The following AFF2 variants were observed in gnomAD, a reference collection of about 807,000 sequenced individuals.
The protein encoded by AFF2 is AF4/FMR2 family member 2.
Under a neutral mutation model 76.9 loss-of-function variants are expected in AFF2, and 14 were observed. That is an observed-to-expected ratio of 0.18 (90% confidence interval 0.12 to 0.28). AFF2 has a LOEUF of 0.28. Among genes scored for constraint, AFF2 ranks in the 10% least tolerant of loss-of-function variants. The pLI is 1.00. For synonymous variants in AFF2, 398 were observed against 366.7 expected, an observed-to-expected ratio of 1.09 and a Z score of -0.98; for missense variants, 868 against 1,001.1, an observed-to-expected ratio of 0.87 and a Z score of 1.79.
chrX:148,921,089 T>C (rs1557283148), intron 9 of AFF2, among the ~76,000 whole-genome samples: 2 of 111,413 alleles, frequency 1.8e-5, no homozygotes, highest in Admixed American at 1.9e-4. Context: ...TGCAAGCAGG[T>C]AAATTGAGCT....
chrX:148,792,312 G>T (rs1215139515), intron 3 of AFF2, among the ~76,000 whole-genome samples: 1 of 112,368 alleles, frequency 8.9e-6, no homozygotes, highest in African/African-American at 3.2e-5. Context: ...AATTAGCCGG[G>T]CATGGTGGCA....
chrX:148,609,502 G>A (rs2053705851), intron 1 of AFF2, among the ~76,000 whole-genome samples: 1 of 111,823 alleles, frequency 8.9e-6, no homozygotes, highest in African/African-American at 3.3e-5. Flanking sequence ...TGTGTGTAGT[G>A]ACTGGCTGAA....
At chrX:148,701,753 A>G (rs1169959728) in intron 3 of AFF2, among the ~76,000 whole-genome samples, 3 of 111,880 alleles carry the variant, frequency 2.7e-5, no homozygotes, top group African/African-American at 9.7e-5. Flanking sequence ...CTTGGCACTT[A>G]AATTGATTTT....
intron 1 of AFF2, among the ~76,000 whole-genome samples, chrX:148,626,576 A>G (rs2053929760): frequency 9.0e-6 from 1 of 111,039 alleles, no homozygotes; most frequent in Non-Finnish European, 1.9e-5. Flanking sequence ...TCTGGAGGCC[A>G]AAAGTCTAAA....
rs147756040 is a variant in AFF2 at position 148,616,469 on chromosome X, G to A, written c.48-35530G>A. On this transcript the variant is annotated intron_variant, in intron 1 of 20. Coordinates refer to ENST00000370460, the MANE Select transcript of AFF2 (RefSeq NM_002025.4). The stretch of plus-strand genomic sequence containing the variant: ...AGTGTCCCTTGTGTTATAATTTAGC[G>A]TACTTTGAGGTGATGTTGACATCTT... Among the ~76,000 whole-genome samples, 103 of 111,451 alleles carry A rather than the reference G, an allele frequency of 9.2e-4. 2 individuals are homozygous for A. In the East Asian group the frequency reaches 0.024, roughly 25 times the overall value.
In AFF2 at chrX:148,750,135, T is replaced by A. The variant is rs1250716736; in HGVS notation, c.1042-59741T>A. On this transcript the variant is annotated intron_variant, in intron 3 of 20. Coordinates refer to ENST00000370460, the MANE Select transcript of AFF2 (RefSeq NM_002025.4). The stretch of plus-strand genomic sequence containing the variant: ...GGTGCCCGCCATCACACCTGACTAA[T>A]TTTTTTGTATTTTTAGTAGAGACGG... 6.4e-5 allele frequency among the ~76,000 whole-genome samples: 7 copies of A among 109,304 alleles called. No homozygotes were observed. In the East Asian group the frequency reaches 2.0e-3, roughly 32 times the overall value. The allele number at this position is 109,304 out of a possible 115,157, so 94.9% of individuals were successfully genotyped here.
At chrX:148,975,719 C>T (rs1352784724) in intron 16 of AFF2, among the ~76,000 whole-genome samples, 3 of 107,077 alleles carry the variant, frequency 2.8e-5, no homozygotes, top group African/African-American at 6.7e-5. Context: ...CCGAGGCGGG[C>T]GGATCACGAG....
At chrX:148,979,862 C>T (rs938005028) in intron 18 of AFF2, among the ~76,000 whole-genome samples, 13 of 112,356 alleles carry the variant, frequency 1.2e-4, no homozygotes, top group Non-Finnish European at 2.3e-4. Context: ...AATGCTGACT[C>T]TTTCCCTGAC....
intron 1 of AFF2, among the ~76,000 whole-genome samples, chrX:148,602,495 A>G (rs113295592): frequency 0.018 from 1,964 of 110,405 alleles, 34 homozygotes; most frequent in African/African-American, 0.061. Context: ...GAAGAGTTGG[A>G]TGTTTATTAT....
chrX:148,821,578 C>T (rs1272966984), intron 4 of AFF2, among the ~76,000 whole-genome samples: 1 of 110,819 alleles, frequency 9.0e-6, no homozygotes, highest in Admixed American at 9.6e-5. Flanking sequence ...TGTGCTGCCC[C>T]CTCCCTCTGC....
chrX:148,791,091 A>G (rs1320481842), intron 3 of AFF2, among the ~76,000 whole-genome samples: 2 of 112,330 alleles, frequency 1.8e-5, no homozygotes, highest in African/African-American at 3.2e-5. Context: ...TTGCAGGTCA[A>G]TACATATTAT....
intron 1 of AFF2, among the ~76,000 whole-genome samples, chrX:148,636,031 A>ATT (rs782131793): frequency 5.5e-5 from 6 of 109,339 alleles, no homozygotes; most frequent in African/African-American, 1.0e-4. Flanking sequence ...ATATATATAT[A>ATT]TTTTTTTCAT....
chrX:148,530,211 T>TA (rs1322073828), intron 1 of AFF2, among the ~76,000 whole-genome samples: 3 of 111,719 alleles, frequency 2.7e-5, no homozygotes, highest in Non-Finnish European at 1.9e-5. Context: ...GTTATATCGC[T>TA]ACTGTTATCA....
chrX:148,709,743 G>C (rs782502085), intron 3 of AFF2, among the ~76,000 whole-genome samples: 1 of 111,797 alleles, frequency 8.9e-6, no homozygotes, highest in African/African-American at 3.2e-5. Flanking sequence ...CAGGAGAACT[G>C]GATTGAATGC....
rs143748714 is a variant in AFF2 at position 148,924,591 on chromosome X, A to G, written c.1397+20333A>G. Among the ~76,000 whole-genome samples, 636 of 112,172 alleles carry G rather than the reference A, an allele frequency of 5.7e-3. 3 individuals carry two copies. The highest frequency in any genetic ancestry group is 0.019 in the African/African-American group (597 of 30,863). ...ATGTGTTGAGCCTCTACTCTGCTAG[A>G]CACAGTAGGGAATTTCAAAATGAGG... is the stretch of plus-strand genomic sequence containing the variant. On this transcript the variant is annotated intron_variant, in intron 9 of 20. Coordinates refer to ENST00000370460, the MANE Select transcript of AFF2 (RefSeq NM_002025.4).
chrX:148,708,133 C>G (rs1220482456), intron 3 of AFF2, among the ~76,000 whole-genome samples: 2 of 111,973 alleles, frequency 1.8e-5, no homozygotes, highest in Admixed American at 9.5e-5. Context: ...CTTGCTCACT[C>G]ATTGTTGCAA....
At chrX:148,704,784 C>T in intron 3 of AFF2, among the ~76,000 whole-genome samples, 1 of 108,899 alleles carries the variant, frequency 9.2e-6, no homozygotes, top group African/African-American at 3.3e-5. Flanking sequence ...GCCTCGGCCT[C>T]CCAAAGTGCT....
chrX:148,924,716 C>G (rs1350120721), intron 9 of AFF2, among the ~76,000 whole-genome samples: 6 of 111,582 alleles, frequency 5.4e-5, no homozygotes, highest in African/African-American at 1.6e-4. Flanking sequence ...CAGATAGATG[C>G]CAACCCAAGT....
At chrX:148,970,703 T>C (rs782237193) in intron 15 of AFF2, among the ~76,000 whole-genome samples, 20 of 112,059 alleles carry the variant, frequency 1.8e-4, no homozygotes, top group Non-Finnish European at 3.2e-4. Flanking sequence ...TTTTGGCTTT[T>C]TGACACACTA....
Sources: gnomAD v4.1 joint callset for allele counts (sites outside exome capture counted in the v4.1 genomes callset) on GRCh38, gnomAD v4.1.1 for gene constraint, MANE v1.5 for transcripts, NCBI Gene and HGNC (gene_info 2026-07-23, HGNC 2026-07-21) for gene names.